Variants in C11orf65 observed in about 807,000 individuals in gnomAD.
C11orf65 encodes the protein chromosome 11 open reading frame 65.
C11orf65 carries 38 observed loss-of-function variants against 35.3 expected under a neutral mutation model. That is an observed-to-expected ratio of 1.08 (90% CI 0.83 to 1.41). The LOEUF (loss-of-function observed/expected upper bound fraction) is 1.41, where lower values mean the gene tolerates loss of function less well. Among genes scored for constraint, C11orf65 ranks in the 40% most tolerant of loss-of-function variants. The pLI is 0.00. For missense variants in C11orf65, 370 were observed against 367.1 expected (o/e 1.01, Z -0.06); for synonymous variants, 105 against 114.4 (o/e 0.92, Z 0.53).
In C11orf65 at chr11:108,321,432, G is replaced by A. The variant is rs3218677; in HGVS notation, c.641-12361C>T. 2.2e-5 allele frequency: 35 copies of A among 1,613,894 alleles called. No individual in the cohort carries two copies. The highest frequency in any genetic ancestry group is 1.7e-4 in the Middle Eastern group (1 of 6,060). On this transcript the variant is annotated intron_variant, in intron 6 of 6. Coordinates refer to the C11orf65 transcript ENST00000525729. Reference sequence around the variant, plus strand: ...GAGCTTTTCTCAAGGTATGTAATTCGTATGACTTTGTTATCCTAAAGTGCA... The same window carrying A: ...GAGCTTTTCTCAAGGTATGTAATTCATATGACTTTGTTATCCTAAAGTGCA...
rs978679831 is a variant in C11orf65 at position 108,393,277 on chromosome 11, C to T, written c.662G>A (p.Gly221Glu). ...KGLIRAFEDG[G>E]IDSVMEWEVD... ...TTCCCATTCCATCACAGAATCTATC[C>T]CCCCATCTTCAAAAGCTCTAATCAG... The change falls in exon 7 of 9, where the codon GGG becomes GAG. Residue 221 changes from glycine to glutamate, a missense_variant. Transcript: ENST00000393084. 6.2e-7 allele frequency: 1 copy of T among 1,614,008 alleles called. No homozygotes were observed. The highest frequency in any genetic ancestry group is 1.7e-5 in the Admixed American group (1 of 59,996).
intron 3 of C11orf65, among the ~76,000 whole-genome samples, chr11:108,416,279 T>C (rs1211429467): frequency 6.6e-6 from 1 of 152,178 alleles, no homozygotes; most frequent in Non-Finnish European, 1.5e-5. Flanking sequence ...GAATTAAAAA[T>C]GGGCAAAGGA....
intron 2 of C11orf65, among the ~76,000 whole-genome samples, chr11:108,371,324 C>G (rs2091568859): frequency 6.6e-6 from 1 of 152,138 alleles, no homozygotes; most frequent in South Asian, 2.1e-4. Flanking sequence ...GTGCAACCAA[C>G]CTCCAGCACT....
intron 3 of C11orf65, among the ~76,000 whole-genome samples, chr11:108,431,088 A>G (rs1565686562): frequency 6.6e-6 from 1 of 152,194 alleles, no homozygotes; most frequent in Non-Finnish European, 1.5e-5. Flanking sequence ...TTAGTACAAT[A>G]GCTTTGGGAA....
At chr11:108,323,604 A>G (rs181468992) in intron 6 of C11orf65, among the ~76,000 whole-genome samples, 28 of 152,332 alleles carry the variant, frequency 1.8e-4, no homozygotes, top group African/African-American at 6.0e-4. Flanking sequence ...GGATATCTCA[A>G]TTACCCAAAT....
chr11:108,380,128 C>T (rs1275207924), downstream of C11orf65, among the ~76,000 whole-genome samples: 3 of 152,182 alleles, frequency 2.0e-5, no homozygotes, highest in Non-Finnish European at 4.4e-5. Flanking sequence ...GTACATCACT[C>T]AAGGTAGAGA....
chr11:108,428,017 A>G (rs1359987459), intron 3 of C11orf65, among the ~76,000 whole-genome samples: 57 of 178 alleles, frequency 0.32, no homozygotes, highest in Non-Finnish European at 0.17. Context: ...TTTTTAGTAG[A>G]GACGGGTTTC....
At position 108,325,408 on chromosome 11, in the gene C11orf65, T is replaced by C. The variant is rs730881313; in HGVS notation, c.641-16337A>G. 1.9e-6 allele frequency: 3 copies of C among 1,613,858 alleles called. No individual in the cohort carries two copies. The highest frequency in any genetic ancestry group is 1.7e-6 in the Non-Finnish European group (2 of 1,179,852). On this transcript the variant is annotated intron_variant, in intron 6 of 6. Transcript: ENST00000525729. ...GATTTTAGTTTTCAGGAGCCTATCATGGCTCTACGCACAGTCATTTTGGAG... is the reference window on the plus strand; with the variant it reads ...GATTTTAGTTTTCAGGAGCCTATCACGGCTCTACGCACAGTCATTTTGGAG...
Position 108,411,363 on chromosome 11 carries a change from G to A in C11orf65, c.175-4214C>T, listed in dbSNP as rs185889398. Among the ~76,000 whole-genome samples, 7 of 152,212 alleles carry A rather than the reference G, an allele frequency of 4.6e-5. No individual in the cohort carries two copies. In the East Asian group the frequency reaches 1.2e-3, roughly 25 times the overall value. ...TGATTTCAAAACTTGGAAATTTGTT[G>A]AGACTTTCATTAAATCCAAGCATGT... is the stretch of plus-strand genomic sequence containing the variant. On this transcript the variant is annotated intron_variant, in intron 3 of 8. Transcript: ENST00000393084.
chr11:108,310,450 A>G (rs1013332507), intron 6 of C11orf65: 5 of 785,288 alleles, frequency 6.4e-6, no homozygotes, highest in African/African-American at 1.8e-5. Flanking sequence ...TTTTAAAGTG[A>G]AATTATAATA....
chr11:108,383,511 G>C (rs2091911753), intron 8 of C11orf65, among the ~76,000 whole-genome samples: 2 of 152,154 alleles, frequency 1.3e-5, no homozygotes, highest in Non-Finnish European at 2.9e-5. Context: ...TCATATTCCT[G>C]CAAGAGTTAA....
chr11:108,335,966 C>T lies in C11orf65; in HGVS notation c.227-674G>A, dbSNP rs1565544035. On this transcript the variant is annotated intron_variant, in intron 2 of 3. Coordinates refer to the C11orf65 transcript ENST00000524755. ...TTAACTATCTGTACTTATAAGGTAA[C>T]TATTTGTACTTCTGTTAGTTCACCA... The T allele has an allele frequency of 6.3e-7, 1 of 1,586,134 alleles. No individual in the cohort carries two copies. The highest frequency in any genetic ancestry group is 8.7e-7 in the Non-Finnish European group (1 of 1,154,874).
At chr11:108,453,147 TAAAAAAAA>T (rs1165163791) in intron 2 of C11orf65, among the ~76,000 whole-genome samples, 2 of 122,422 alleles carry the variant, frequency 1.6e-5, no homozygotes, top group African/African-American at 6.2e-5. Flanking sequence ...AAAGTATAAT[TAAAAAAAA>T]AAGAAAAAAG....
intron 2 of C11orf65, chr11:108,368,726 A>T (rs2091456333): frequency 4.7e-6 from 1 of 214,860 alleles, no homozygotes; most frequent in African/African-American, 2.3e-5. Context: ...AAGGGAGATA[A>T]TAGCTTTCCC....
chr11:108,322,373 C>T (rs755326533), intron 6 of C11orf65, among the ~76,000 whole-genome samples: 4 of 152,136 alleles, frequency 2.6e-5, no homozygotes, highest in African/African-American at 4.8e-5. Flanking sequence ...AGCCTGGCCT[C>T]GAACTCCTGA....
intron 2 of C11orf65, among the ~76,000 whole-genome samples, chr11:108,351,767 G>A (rs2089229512): frequency 6.6e-6 from 1 of 152,174 alleles, no homozygotes; most frequent in African/African-American, 2.4e-5. Flanking sequence ...ATGTCATAGG[G>A]TCCATCCTGG....
intron 6 of C11orf65, among the ~76,000 whole-genome samples, chr11:108,311,655 G>A (rs529013336): frequency 6.6e-6 from 1 of 151,734 alleles, no homozygotes; most frequent in Non-Finnish European, 1.5e-5. Context: ...CCATGATTGT[G>A]CCACTGCACT....
At chr11:108,442,707 T>A (rs554744870) in intron 2 of C11orf65, among the ~76,000 whole-genome samples, 1 of 152,258 alleles carries the variant, frequency 6.6e-6, no homozygotes, top group South Asian at 2.1e-4. Flanking sequence ...AACCCAGAAT[T>A]TCATATCCAG....
At chr11:108,410,711 C>CTTTTTT (rs35785036) in intron 3 of C11orf65, among the ~76,000 whole-genome samples, 1 of 136,634 alleles carries the variant, frequency 7.3e-6, no homozygotes, top group African/African-American at 2.7e-5. Context: ...CTTCCTTTTA[C>CTTTTTT]TTTTTTTTTT....
Sources: allele counts gnomAD v4.1 joint callset (sites outside exome capture counted in the v4.1 genomes callset), GRCh38; gene constraint gnomAD v4.1.1; transcripts MANE v1.5; gene names NCBI Gene and HGNC (gene_info 2026-07-23, HGNC 2026-07-21).